Variants in CAPN13 observed in about 807,000 individuals in gnomAD.
CAPN13 encodes the protein calpain-13.
Under a neutral mutation model 98.4 loss-of-function variants are expected in CAPN13, and 90 were observed. The observed-to-expected ratio is 0.92, with a 90% CI of 0.77 to 1.09. The LOEUF is 1.09. Ranked by LOEUF, CAPN13 falls within the 50% of genes least tolerant of loss-of-function variation. The probability of loss-of-function intolerance (pLI) is 0.00; values close to 1 mark genes in which losing one functional copy is unlikely to be tolerated. For missense variants in CAPN13, 887 were observed against 841.3 expected (o/e 1.05, Z -0.67); for synonymous variants, 330 against 305.5 (o/e 1.08, Z -0.84).
intron 22 of CAPN13, among the ~76,000 whole-genome samples, chr2:30,725,086 ATG>A (rs1428759742): frequency 6.6e-6 from 1 of 152,136 alleles, no homozygotes; most frequent in Non-Finnish European, 1.5e-5. Context: ...ATCAACATGG[ATG>A]TAGATGACAT....
rs1672553790 is a variant in CAPN13 at position 30,758,118 on chromosome 2, C to T, written c.794G>A (p.Trp265Ter). 2 of 1,605,894 alleles carry T rather than the reference C, an allele frequency of 1.2e-6. No individual in the cohort carries two copies. The highest frequency in any genetic ancestry group is 1.7e-6 in the Non-Finnish European group (2 of 1,176,524). Residue 265 changes from tryptophan to a stop codon, truncating the protein, a stop_gained, in exon 8 of 23, where the codon TGG becomes TAG. Coordinates refer to ENST00000295055, the MANE Select transcript of CAPN13 (RefSeq NM_144575.3). LOFTEE classifies it high-confidence loss of function. ...GAEQIQYRRG[W>*]EEIISLWNPW... Reference sequence around the variant, plus strand: ...GTTCCACAGGGAGATAATTTCTTCCCAGCCCCTTCGGTATTGAATCTGTAA... The same window carrying T: ...GTTCCACAGGGAGATAATTTCTTCCTAGCCCCTTCGGTATTGAATCTGTAA...
At chr2:30,740,019 T>A (rs1328550223) in intron 15 of CAPN13, among the ~76,000 whole-genome samples, 1 of 151,866 alleles carries the variant, frequency 6.6e-6, no homozygotes, top group Non-Finnish European at 1.5e-5. Flanking sequence ...CCCTGGGTTA[T>A]AGAGCTGTCA....
At chr2:30,765,755 C>T (rs764152175) in intron 5 of CAPN13, among the ~76,000 whole-genome samples, 57 of 152,332 alleles carry the variant, frequency 3.7e-4, no homozygotes, top group Non-Finnish European at 7.3e-4. Flanking sequence ...CTGCCCCGGG[C>T]ACGAATGCTT....
In CAPN13 at chr2:30,726,006, A is replaced by T. The variant is rs1670843096; in HGVS notation, c.*31-2770T>A. ...ACTAGGATGTAAGCTAATACTAACAAATGCTAGGATGAGAACAAAACAAAG... is the reference window on the plus strand; with the variant it reads ...ACTAGGATGTAAGCTAATACTAACATATGCTAGGATGAGAACAAAACAAAG... On this transcript the variant is annotated intron_variant, in intron 22 of 22. Transcript: ENST00000295055. Among the ~76,000 whole-genome samples, 5 of 152,202 alleles carry T rather than the reference A, an allele frequency of 3.3e-5. No individual in the cohort carries two copies. The South Asian group carries it at 1.0e-3, about 32-fold the overall frequency.
intron 22 of CAPN13, among the ~76,000 whole-genome samples, chr2:30,724,491 T>A (rs1464486587): frequency 1.3e-5 from 2 of 152,236 alleles, no homozygotes; most frequent in Non-Finnish European, 2.9e-5. Flanking sequence ...GTCCTTGGAC[T>A]TCCCTGTCTC....
chr2:30,788,462 G>C (rs1474490554), intron 1 of CAPN13, among the ~76,000 whole-genome samples: 1 of 152,160 alleles, frequency 6.6e-6, no homozygotes, highest in African/African-American at 2.4e-5. Context: ...AGGCTGGCCT[G>C]GATGGGAATC....
intron 1 of CAPN13, among the ~76,000 whole-genome samples, chr2:30,796,495 C>T (rs940628668): frequency 4.0e-5 from 6 of 151,816 alleles, no homozygotes; most frequent in African/African-American, 1.5e-4. Flanking sequence ...TGTGTCCTGT[C>T]CTATTCTACA....
chr2:30,757,827 G>A (rs1204971805), intron 8 of CAPN13, among the ~76,000 whole-genome samples: 1 of 152,208 alleles, frequency 6.6e-6, no homozygotes, highest in African/African-American at 2.4e-5. Context: ...ACTTAACACA[G>A]TGCAGTTAGT....
intron 1 of CAPN13, among the ~76,000 whole-genome samples, chr2:30,796,758 T>G (rs1011888543): frequency 6.6e-6 from 1 of 152,212 alleles, no homozygotes; most frequent in African/African-American, 2.4e-5. Flanking sequence ...TTTGAAAATA[T>G]TTTGTACGCC....
In CAPN13 at chr2:30,738,295, TGAG is replaced by T; in HGVS notation, c.1595-5_1595-3del. On this transcript the variant is annotated splice_polypyrimidine_tract_variant and splice_region_variant and intron_variant, in intron 16 of 22. Coordinates refer to ENST00000295055, the MANE Select transcript of CAPN13 (RefSeq NM_144575.3). The stretch of plus-strand genomic sequence containing the variant: ...AGGAGAACATGTCCCCTGGAGGTCC[TGAG>T]GAGAGAAGGACAGGAAGGACTGAAG... 6.2e-7 allele frequency: 1 copy of T among 1,613,754 alleles called. No individual in the cohort carries two copies. The highest frequency in any genetic ancestry group is 8.5e-7 in the Non-Finnish European group (1 of 1,179,832).
intron 22 of CAPN13, among the ~76,000 whole-genome samples, chr2:30,727,797 C>G (rs1670910528): frequency 6.6e-6 from 1 of 152,130 alleles, no homozygotes; most frequent in African/African-American, 2.4e-5. Context: ...AGCAGTTCCA[C>G]TCATAACTAT....
chr2:30,743,960 A>C (rs1671788593), intron 12 of CAPN13, among the ~76,000 whole-genome samples: 2 of 152,236 alleles, frequency 1.3e-5, no homozygotes, highest in Non-Finnish European at 2.9e-5. Context: ...AATGTTTAGC[A>C]GAATACTTTG....
intron 2 of CAPN13, among the ~76,000 whole-genome samples, chr2:30,786,927 G>T (rs1423961634): frequency 6.6e-6 from 1 of 152,208 alleles, no homozygotes; most frequent in Non-Finnish European, 1.5e-5. Context: ...AACTGGGTTA[G>T]AACTCAGGAG....
intron 5 of CAPN13, among the ~76,000 whole-genome samples, chr2:30,766,681 C>G (rs1673127576): frequency 6.6e-6 from 1 of 152,136 alleles, no homozygotes; most frequent in African/African-American, 2.4e-5. Flanking sequence ...TGTCTTTCTG[C>G]CCGGCAATCA....
chr2:30,757,143 G>A (rs573311923), intron 8 of CAPN13, among the ~76,000 whole-genome samples: 28 of 152,322 alleles, frequency 1.8e-4, no homozygotes, highest in Admixed American at 1.3e-3. Flanking sequence ...CCAGCCCCAC[G>A]GGCGATGATG....
chr2:30,797,265 T>C (rs1674934326), intron 1 of CAPN13, among the ~76,000 whole-genome samples: 1 of 151,974 alleles, frequency 6.6e-6, no homozygotes, highest in African/African-American at 2.4e-5. Context: ...ACAACTGTAC[T>C]CCCAACCCCT....
intron 1 of CAPN13, among the ~76,000 whole-genome samples, chr2:30,791,352 C>T (rs766366823): frequency 1.3e-5 from 2 of 152,238 alleles, no homozygotes; most frequent in Non-Finnish European, 2.9e-5. Flanking sequence ...ATGCCAGCAC[C>T]TAGCGCTAGG....
At chr2:30,759,709 G>A (rs1352403545) in intron 7 of CAPN13, among the ~76,000 whole-genome samples, 3 of 152,192 alleles carry the variant, frequency 2.0e-5, no homozygotes, top group Non-Finnish European at 2.9e-5. Flanking sequence ...AGACAGCGGC[G>A]GAGGCAGAAT....
chr2:30,762,401 G>A (rs918076388), intron 7 of CAPN13, among the ~76,000 whole-genome samples: 1 of 152,242 alleles, frequency 6.6e-6, no homozygotes, highest in Non-Finnish European at 1.5e-5. Context: ...CAGCTAGACA[G>A]TGTATGTCCC....
Sources: allele counts gnomAD v4.1 joint callset (sites outside exome capture counted in the v4.1 genomes callset), GRCh38; gene constraint gnomAD v4.1.1; transcripts MANE v1.5; gene names NCBI Gene and HGNC (gene_info 2026-07-23, HGNC 2026-07-21).